The following ATP9A variants were observed in gnomAD, a reference collection of about 807,000 sequenced individuals.
ATP9A encodes ATPase phospholipid transporting 9A.
Under a neutral mutation model 144.1 loss-of-function variants are expected in ATP9A, and 52 were observed. The observed-to-expected ratio is 0.36, with a 90% CI of 0.29 to 0.45. The LOEUF (loss-of-function observed/expected upper bound fraction) is 0.45. Ranked by LOEUF, ATP9A falls within the 20% of genes least tolerant of loss-of-function variation. The pLI is 1.00. For missense variants in ATP9A, 947 were observed against 1,392.7 expected (o/e 0.68, Z 5.09); for synonymous variants, 582 against 557.4 (o/e 1.04, Z -0.62).
chr20:51,684,382 A>G (rs933674773), intron 9 of ATP9A, among the ~76,000 whole-genome samples: 1 of 152,224 alleles, frequency 6.6e-6, no homozygotes, highest in Non-Finnish European at 1.5e-5. Flanking sequence ...CAGGACACAA[A>G]GTGGTCATTC....
At chr20:51,759,294 C>A (rs1253664484) in intron 1 of ATP9A, among the ~76,000 whole-genome samples, 1 of 152,226 alleles carries the variant, frequency 6.6e-6, no homozygotes, top group African/African-American at 2.4e-5. Context: ...GTTTCACCCA[C>A]CAGCACAATC....
At chr20:51,635,501 G>A (rs951313809) in intron 15 of ATP9A, among the ~76,000 whole-genome samples, 1 of 152,114 alleles carries the variant, frequency 6.6e-6, no homozygotes, top group African/African-American at 2.4e-5. Context: ...ACTTTGGGAG[G>A]TCGAGATGGG....
chr20:51,698,822 G>A (rs1403658625), intron 4 of ATP9A, among the ~76,000 whole-genome samples: 1 of 152,170 alleles, frequency 6.6e-6, no homozygotes, highest in African/African-American at 2.4e-5. Context: ...TCAGCAAGAC[G>A]TAAAGCATCA....
chr20:51,650,744 A>G (rs1414874556), intron 14 of ATP9A, among the ~76,000 whole-genome samples: 1 of 151,968 alleles, frequency 6.6e-6, no homozygotes, highest in Non-Finnish European at 1.5e-5. Context: ...CCATGGAGAC[A>G]CTCTGCATGT....
At chr20:51,719,748 G>GAA (rs1412856612) in intron 3 of ATP9A, among the ~76,000 whole-genome samples, 9,469 of 92,076 alleles carry the variant, frequency 0.1, 762 homozygotes, top group African/African-American at 0.21. Context: ...AAAAAAAAGG[G>GAA]GGGGGAAGAA....
chr20:51,671,034 G>C, intron 12 of ATP9A, 81 bp downstream of exon 12: 1 of 1,533,800 alleles, frequency 6.5e-7, no homozygotes. Flanking sequence ...TATGTCCAGA[G>C]AGAGCCCAAG....
chr20:51,601,674 G>A (rs978795960), intron 27 of ATP9A, among the ~76,000 whole-genome samples: 1 of 152,236 alleles, frequency 6.6e-6, no homozygotes, highest in Admixed American at 6.5e-5. Context: ...GGGAGGCCAA[G>A]GCGGGCAGAA....
intron 17 of ATP9A, among the ~76,000 whole-genome samples, chr20:51,625,966 T>C (rs112764861): frequency 1.3e-5 from 2 of 152,158 alleles, no homozygotes; most frequent in African/African-American, 4.8e-5. Context: ...AACTCAAATA[T>C]ATTAAAGAGA....
intron 8 of ATP9A, among the ~76,000 whole-genome samples, chr20:51,689,670 C>G (rs1030116098): frequency 6.6e-6 from 1 of 151,722 alleles, no homozygotes; most frequent in African/African-American, 2.4e-5. Context: ...GATCCGCTCA[C>G]CTCAGCCTCC....
intron 19 of ATP9A, among the ~76,000 whole-genome samples, chr20:51,620,798 G>GTCAC (rs2122723073): frequency 6.6e-6 from 1 of 152,294 alleles, no homozygotes; most frequent in East Asian, 1.9e-4. Flanking sequence ...GGAGGGGGGA[G>GTCAC]TGCGTGAGCT....
chr20:51,730,717 C>A (rs545428868), intron 1 of ATP9A, among the ~76,000 whole-genome samples: 2 of 152,292 alleles, frequency 1.3e-5, no homozygotes, highest in Non-Finnish European at 2.9e-5. Context: ...ATAAGACAGG[C>A]AGTGGTAGCA....
chr20:51,705,096 G>A (rs1328220346), intron 4 of ATP9A, among the ~76,000 whole-genome samples: 1 of 152,158 alleles, frequency 6.6e-6, no homozygotes, highest in African/African-American at 2.4e-5. Flanking sequence ...TGAAACATAA[G>A]TAGTACTTGG....
At chr20:51,628,419 C>T (rs1184442201) in intron 16 of ATP9A, among the ~76,000 whole-genome samples, 1 of 152,108 alleles carries the variant, frequency 6.6e-6, no homozygotes, top group Non-Finnish European at 1.5e-5. Context: ...TGACTTGTCC[C>T]TAACAAACAG....
At chr20:51,741,523 G>A (rs1181136772) in intron 1 of ATP9A, among the ~76,000 whole-genome samples, 1 of 150,324 alleles carries the variant, frequency 6.7e-6, no homozygotes, top group Non-Finnish European at 1.5e-5. Flanking sequence ...GTTGCAGTGA[G>A]CCGAGATCAC....
intron 15 of ATP9A, among the ~76,000 whole-genome samples, chr20:51,636,956 T>C (rs137925292): frequency 0.017 from 2,570 of 152,256 alleles, 73 homozygotes; most frequent in African/African-American, 0.059. Flanking sequence ...CCGGGCATGG[T>C]GGCGCACGCC....
At position 51,628,519 on chromosome 20, in the gene ATP9A, C is replaced by T. The variant is rs73267748; in HGVS notation, c.1761+461G>A. Among the ~76,000 whole-genome samples, 1,157 of 152,342 alleles carry T rather than the reference C, an allele frequency of 7.6e-3. 17 individuals carry two copies. The highest frequency in any genetic ancestry group is 0.026 in the African/African-American group (1,097 of 41,574). ...TGTTTGCCCTCTCCTGTTCCATCAC[C>T]TGCTCTCTTTGTTGAAGCTAGTTGC... On this transcript the variant is annotated intron_variant, in intron 16 of 27. Transcript: ENST00000338821.
intron 14 of ATP9A, among the ~76,000 whole-genome samples, chr20:51,653,584 G>A (rs1345300683): frequency 2.0e-5 from 3 of 152,120 alleles, no homozygotes; most frequent in Non-Finnish European, 4.4e-5. Context: ...TCAGGAGTTT[G>A]AGACCAGCCT....
chr20:51,742,232 G>A (rs1429712022), intron 1 of ATP9A, among the ~76,000 whole-genome samples: 4 of 151,102 alleles, frequency 2.6e-5, no homozygotes, highest in Admixed American at 1.3e-4. Flanking sequence ...GGCTAAGGAC[G>A]AAGGATTGCT....
At chr20:51,717,026 T>C (rs1413425064) in intron 3 of ATP9A, among the ~76,000 whole-genome samples, 1 of 151,678 alleles carries the variant, frequency 6.6e-6, no homozygotes, top group Non-Finnish European at 1.5e-5. Context: ...AGTACAAAAA[T>C]TAGCTGGGTG....
Sources: allele counts gnomAD v4.1 joint callset (sites outside exome capture counted in the v4.1 genomes callset), GRCh38; gene constraint gnomAD v4.1.1; transcripts MANE v1.5; gene names NCBI Gene and HGNC (gene_info 2026-07-23, HGNC 2026-07-21).